Variants in CACNA1D observed in about 807,000 individuals in gnomAD.
CACNA1D encodes voltage-dependent L-type calcium channel subunit alpha-1D.
A neutral mutation model predicts 257.1 loss-of-function variants in CACNA1D; 55 were observed. The observed-to-expected ratio is 0.21, with a 90% CI of 0.17 to 0.27. The LOEUF is 0.27. Ranked by LOEUF, CACNA1D falls within the 10% of genes least tolerant of loss-of-function variation. The pLI, the probability that CACNA1D is intolerant of heterozygous loss-of-function variation, is 1.00. For missense variants in CACNA1D, 1,876 were observed against 2,784.0 expected (o/e 0.67, Z 7.34); for synonymous variants, 980 against 1,014.9 (o/e 0.97, Z 0.65).
At chr3:53,591,803 T>A (rs573667221) in intron 3 of CACNA1D, among the ~76,000 whole-genome samples, 9 of 152,204 alleles carry the variant, frequency 5.9e-5, no homozygotes, top group Non-Finnish European at 1.3e-4. Flanking sequence ...CTAAAAGAAA[T>A]AACCAGTTGA....
chr3:53,745,100 CTTTTA>C (rs1182165284), intron 23 of CACNA1D, among the ~76,000 whole-genome samples: 4 of 152,044 alleles, frequency 2.6e-5, no homozygotes, highest in African/African-American at 7.2e-5. Flanking sequence ...TTATTTTAGT[CTTTTA>C]TTTAGTTTAT....
chr3:53,630,015 C>A (rs1169200052), intron 3 of CACNA1D, among the ~76,000 whole-genome samples: 1 of 152,326 alleles, frequency 6.6e-6, no homozygotes, highest in Middle Eastern at 3.4e-3. Context: ...TGGCCTCCTG[C>A]TGCACCTGTC....
Position 53,811,184 on chromosome 3 carries a change from C to T in CACNA1D, c.6264C>T (p.Ile2088=), listed in dbSNP as rs191750657. 61 of 1,613,926 alleles carry T rather than the reference C, an allele frequency of 3.8e-5. No individual in the cohort carries two copies. In the African/African-American group the frequency reaches 4.3e-4, roughly 11 times the overall value. Residue 2088 remains isoleucine, a synonymous_variant, in exon 48 of 48, where the codon ATC becomes ATT. Transcript: ENST00000350061. The surrounding 1 kb of genome is among the most constrained non-coding windows in gnomAD (Gnocchi z 4.2). ...PKFVSATKHE[I]ADACDLTIDE... is the part of the protein sequence containing the mutation. ...TTGTGTCAGCAACAAAACACGAAAT[C>T]GCTGATGCCTGTGACCTCACCATCG...
chr3:53,704,029 G>C (rs2094656752), intron 9 of CACNA1D, among the ~76,000 whole-genome samples: 2 of 152,182 alleles, frequency 1.3e-5, no homozygotes, highest in African/African-American at 2.4e-5. Context: ...GCGTGAGGGA[G>C]GCGTGGAGGT....
rs1166823497 is a variant in CACNA1D, at chr3:53,679,270, C to CAAAAAAAAAAAAAAAAAA, written c.1220+6164_1220+6181dup. ...GGGTGACAAGAGCAAAACTCCATCT[C>CAAAAAAAAAAAAAAAAAA]AAAAAAAAAAAAAAAAAAAAAAAAA... On this transcript the variant is annotated intron_variant, in intron 8 of 47. Coordinates refer to ENST00000350061, the MANE Select transcript of CACNA1D (RefSeq NM_001128840.3). 2 of 16,330 alleles carry CAAAAAAAAAAAAAAAAAA rather than the reference C, an allele frequency of 1.2e-4. 1 individual carries two copies. Among genetic ancestry groups the CAAAAAAAAAAAAAAAAAA allele is most frequent in the Non-Finnish European group, 3.2e-4 (2 of 6,344 alleles). The allele number at this position is 16,330 out of a possible 1,614,324, so 1.0% of individuals were successfully genotyped here.
At chr3:53,570,539 C>T (rs1176853557) in intron 3 of CACNA1D, among the ~76,000 whole-genome samples, 2 of 152,166 alleles carry the variant, frequency 1.3e-5, no homozygotes, top group Non-Finnish European at 2.9e-5. Flanking sequence ...GAACTGTAAA[C>T]GTCAACGGAG....
chr3:53,751,647 C>A lies in CACNA1D; in HGVS notation c.3517-102C>A. ...TTTTCACCATCGTCCACGGCCCCTT[C>A]CCGGGAGCTGTAGGGTGAGCTCTTT... On this transcript the variant is annotated intron_variant, in intron 27 of 47. Coordinates refer to ENST00000350061, the MANE Select transcript of CACNA1D (RefSeq NM_001128840.3). This position sits in a 1 kb window ranked among gnomAD's most constrained non-coding sequence, Gnocchi z 4.3. 1 of 1,193,308 alleles carries A rather than the reference C, an allele frequency of 8.4e-7. No individual in the cohort carries two copies. Among genetic ancestry groups the A allele is most frequent in the Non-Finnish European group, 1.3e-6 (1 of 799,022 alleles). The allele number at this position is 1,193,308 out of a possible 1,614,324, so 73.9% of individuals were successfully genotyped here.
At chr3:53,649,943 T>C (rs769185432) in intron 3 of CACNA1D, among the ~76,000 whole-genome samples, 12 of 152,220 alleles carry the variant, frequency 7.9e-5, no homozygotes, top group Non-Finnish European at 1.3e-4. Flanking sequence ...CTGATTGGTA[T>C]GTTTTCCACA....
intron 9 of CACNA1D, 133 bp downstream of exon 9, chr3:53,702,943 C>A: frequency 1.1e-6 from 1 of 906,162 alleles, no homozygotes; most frequent in Non-Finnish European, 1.8e-6. Flanking sequence ...GTCCCTTCTG[C>A]CTGCACACAT....
intron 19 of CACNA1D, among the ~76,000 whole-genome samples, chr3:53,734,016 GTATATATA>G (rs58714566): frequency 0.28 from 36,280 of 131,562 alleles, 5,223 homozygotes; most frequent in Admixed American, 0.32. Context: ...ATATGTGTGT[GTATATATA>G]TATATATATA....
At chr3:53,738,620 T>C (rs2095082657) in intron 20 of CACNA1D, among the ~76,000 whole-genome samples, 1 of 152,170 alleles carries the variant, frequency 6.6e-6, no homozygotes, top group Non-Finnish European at 1.5e-5. Flanking sequence ...TATAACTGCT[T>C]CTCCATAAGT....
At position 53,723,407 on chromosome 3, in the gene CACNA1D, A is replaced by C; in HGVS notation, c.1667-27A>C. 1 of 1,572,982 alleles carries C rather than the reference A, an allele frequency of 6.4e-7. No individual in the cohort carries two copies. The highest frequency in any genetic ancestry group is 8.8e-7 in the Non-Finnish European group (1 of 1,142,410). On this transcript the variant is annotated intron_variant, in intron 12 of 47. Transcript: ENST00000350061. This position sits in a 1 kb window ranked among gnomAD's most constrained non-coding sequence, Gnocchi z 5.6. ...TCTGAGTGTCTTGCAGGAGACCCTG[A>C]GGATGGGTGCCCCTTTGTCTTTCCA...
intron 25 of CACNA1D, among the ~76,000 whole-genome samples, chr3:53,746,666 C>T (rs770180644): frequency 3.3e-5 from 5 of 152,202 alleles, no homozygotes; most frequent in South Asian, 2.1e-4. Flanking sequence ...GTTCACACAC[C>T]GTTCATGGCG....
At position 53,571,944 on chromosome 3, in the gene CACNA1D, T is replaced by C. The variant is rs1010690611; in HGVS notation, c.483+70224T>C. On this transcript the variant is annotated intron_variant, in intron 3 of 47. Transcript: ENST00000350061. ...GTAGGAAACTTCTGACCCTCAGCGA[T>C]TGGACTCAAAACATTCTCTGGAAGT... Among the ~76,000 whole-genome samples, 20 of 152,158 alleles carry C rather than the reference T, an allele frequency of 1.3e-4. 1 individual carries two copies. The highest frequency in any genetic ancestry group is 9.8e-4 in the Admixed American group (15 of 15,274).
chr3:53,772,766 T>A lies in CACNA1D; in HGVS notation c.4045-67T>A, dbSNP rs982440118. On this transcript the variant is annotated intron_variant, in intron 32 of 47. Transcript: ENST00000350061. ...AGCATGTGGCCACTCATGGGTCTTC[T>A]CAGGCTGTGGCGGGCCGTCACGGGG... is the stretch of plus-strand genomic sequence containing the variant. 7.5e-6 allele frequency: 9 copies of A among 1,199,458 alleles called. No individual in the cohort carries two copies. The African/African-American group carries it at 1.3e-4, about 18-fold the overall frequency. 74.3% of individuals were successfully genotyped at this position (1,199,458 alleles called of 1,614,324 possible).
chr3:53,724,006 C>T lies in CACNA1D; in HGVS notation c.2100+7C>T, dbSNP rs1354012677. On this transcript the variant is annotated splice_region_variant and intron_variant, in intron 14 of 47. Coordinates refer to ENST00000350061, the MANE Select transcript of CACNA1D (RefSeq NM_001128840.3). ...ACTTCTCACAGTGTTCCAGGTGAGTCCTCCCTCCATTCCCCGAAAAGCACT... is the reference window on the plus strand; with the variant it reads ...ACTTCTCACAGTGTTCCAGGTGAGTTCTCCCTCCATTCCCCGAAAAGCACT... 2 of 1,608,788 alleles carry T rather than the reference C, an allele frequency of 1.2e-6. No individual in the cohort carries two copies. Among genetic ancestry groups the T allele is most frequent in the Admixed American group, 3.3e-5 (2 of 60,022 alleles).
intron 9 of CACNA1D, among the ~76,000 whole-genome samples, chr3:53,716,938 C>T (rs529264368): frequency 2.1e-4 from 32 of 152,330 alleles, no homozygotes; most frequent in African/African-American, 4.8e-4. Context: ...ATGAGCAAGG[C>T]GGGCCGAACA....
chr3:53,642,270 C>CT (rs1280587076), intron 3 of CACNA1D, among the ~76,000 whole-genome samples: 2 of 152,216 alleles, frequency 1.3e-5, no homozygotes, highest in Non-Finnish European at 2.9e-5. Flanking sequence ...CCCCTGGCAA[C>CT]TCTAGGCTTG....
intron 21 of CACNA1D, among the ~76,000 whole-genome samples, chr3:53,741,669 C>T (rs1489412272): frequency 1.3e-5 from 2 of 152,090 alleles, no homozygotes; most frequent in Non-Finnish European, 2.9e-5. Flanking sequence ...TGTGGGAGGG[C>T]CTGTGGATGC....
Sources: gnomAD v4.1 joint callset for allele counts (sites outside exome capture counted in the v4.1 genomes callset) on GRCh38, gnomAD v4.1.1 for gene constraint, Gnocchi (gnomAD v3.1) non-coding constraint, MANE v1.5 for transcripts, NCBI Gene and HGNC (gene_info 2026-07-23, HGNC 2026-07-21) for gene names.